The following KCTD16 variants were observed in gnomAD, a reference collection of about 807,000 sequenced individuals.
KCTD16 encodes the protein BTB/POZ domain-containing protein KCTD16.
Under a neutral mutation model 33.2 loss-of-function variants are expected in KCTD16, and 13 were observed. That is an observed-to-expected ratio of 0.39 (90% confidence interval 0.25 to 0.62). KCTD16 has a LOEUF of 0.62. KCTD16 is among the 20% of genes least tolerant of loss of function. The pLI, the probability that KCTD16 is intolerant of heterozygous loss-of-function variation, is 0.50. For synonymous variants in KCTD16, 197 were observed against 195.3 expected, an observed-to-expected ratio of 1.01 and a Z score of -0.07; for missense variants, 441 against 525.1, an observed-to-expected ratio of 0.84 and a Z score of 1.57.
chr5:144,287,675 C>T (rs541457303), intron 3 of KCTD16, among the ~76,000 whole-genome samples: 115 of 152,174 alleles, frequency 7.6e-4, no homozygotes, highest in African/African-American at 2.6e-3. Flanking sequence ...TCACTCTTTT[C>T]GCCCAGGCTG....
intron 3 of KCTD16, among the ~76,000 whole-genome samples, chr5:144,344,096 C>G (rs1047967124): frequency 6.6e-6 from 1 of 152,122 alleles, no homozygotes; most frequent in Non-Finnish European, 1.5e-5. Flanking sequence ...CTGAGAAAAA[C>G]AAGCAATGGG....
At chr5:144,233,223 C>A (rs1345225852) in intron 3 of KCTD16, among the ~76,000 whole-genome samples, 4 of 152,070 alleles carry the variant, frequency 2.6e-5, no homozygotes, top group Non-Finnish European at 4.4e-5. Flanking sequence ...AAAGGGTCTT[C>A]CATCATAAGT....
chr5:144,367,262 G>A (rs1307831623), intron 3 of KCTD16, among the ~76,000 whole-genome samples: 1 of 152,164 alleles, frequency 6.6e-6, no homozygotes, highest in Non-Finnish European at 1.5e-5. Flanking sequence ...AAGGGTGGGT[G>A]TAGAGCTGTG....
Position 144,276,763 on chromosome 5 carries a change from C to A in KCTD16, c.832+69217C>A, listed in dbSNP as rs1001309129. The stretch of plus-strand genomic sequence containing the variant: ...TGCTAAAATACAAAAATTAGCCATG[C>A]ATAGTGGCTTACACCTGTAATCCCA... On this transcript the variant is annotated intron_variant, in intron 3 of 3. Coordinates refer to ENST00000512467, the MANE Select transcript of KCTD16 (RefSeq NM_020768.4). 3.3e-5 allele frequency among the ~76,000 whole-genome samples: 5 copies of A among 151,990 alleles called. No individual in the cohort carries two copies. In the South Asian group the frequency reaches 1.0e-3, roughly 32 times the overall value.
chr5:144,458,917 A>G (rs943183771), intron 3 of KCTD16, among the ~76,000 whole-genome samples: 2 of 152,212 alleles, frequency 1.3e-5, no homozygotes, highest in African/African-American at 2.4e-5. Flanking sequence ...GGAAGGCAGT[A>G]ATTAACCAGA....
intron 3 of KCTD16, among the ~76,000 whole-genome samples, chr5:144,469,183 T>C (rs888248005): frequency 2.0e-5 from 3 of 152,214 alleles, no homozygotes; most frequent in Non-Finnish European, 4.4e-5. Flanking sequence ...TTCAAGTCAA[T>C]CTTTATCCTG....
intron 3 of KCTD16, among the ~76,000 whole-genome samples, chr5:144,380,188 C>A (rs1752180693): frequency 6.6e-6 from 1 of 152,012 alleles, no homozygotes; most frequent in South Asian, 2.1e-4. Flanking sequence ...CATTTCTTTA[C>A]ACCAATAATG....
chr5:144,217,918 C>A (rs1188043860), intron 3 of KCTD16, among the ~76,000 whole-genome samples: 1 of 151,766 alleles, frequency 6.6e-6, no homozygotes, highest in African/African-American at 2.4e-5. Context: ...ACAGAGTGAC[C>A]TTCTTTAATA....
In KCTD16 at chr5:144,476,106, T is replaced by C. The variant is rs1006846688; in HGVS notation, c.*1992T>C. 3 of 152,248 alleles carry C rather than the reference T, an allele frequency of 2.0e-5. No homozygotes were observed. The highest frequency in any genetic ancestry group is 4.4e-5 in the Non-Finnish European group (3 of 68,044). The allele number at this position is 152,248 out of a possible 1,614,324, so 9.4% of individuals were successfully genotyped here. On this transcript the variant is annotated 3_prime_UTR_variant, in exon 4 of 4. Coordinates refer to ENST00000512467, the MANE Select transcript of KCTD16 (RefSeq NM_020768.4). The stretch of plus-strand genomic sequence containing the variant: ...GTATGTCTTGATTCTTTTCAATGTT[T>C]CTTGATAGCACATGGCAATACCATC...
chr5:144,350,539 C>A (rs920022904), intron 3 of KCTD16, among the ~76,000 whole-genome samples: 4 of 152,072 alleles, frequency 2.6e-5, no homozygotes, highest in Non-Finnish European at 5.9e-5. Flanking sequence ...CCCATATTGC[C>A]TCTCTTGGCT....
chr5:144,471,252 G>A (rs1192038104), intron 3 of KCTD16, among the ~76,000 whole-genome samples: 1 of 152,082 alleles, frequency 6.6e-6, no homozygotes, highest in Non-Finnish European at 1.5e-5. Context: ...TTTCCTTCTG[G>A]GTCCATTGAA....
chr5:144,311,254 G>T (rs759107238), intron 3 of KCTD16, among the ~76,000 whole-genome samples: 1 of 152,150 alleles, frequency 6.6e-6, no homozygotes, highest in African/African-American at 2.4e-5. Flanking sequence ...TGCACATTGT[G>T]CACAAGTACT....
intron 3 of KCTD16, among the ~76,000 whole-genome samples, chr5:144,208,172 A>T (rs1753251700): frequency 1.3e-5 from 2 of 152,236 alleles, no homozygotes; most frequent in African/African-American, 4.8e-5. Flanking sequence ...CTGCAGACTT[A>T]ATTAAGCTGA....
At chr5:144,179,468 C>T (rs1164333345) in intron 2 of KCTD16, among the ~76,000 whole-genome samples, 1 of 152,202 alleles carries the variant, frequency 6.6e-6, no homozygotes. Flanking sequence ...TGCGTGCAGG[C>T]TCCTCTCTCC....
chr5:144,439,251 G>A, intron 3 of KCTD16: 1 of 289,572 alleles, frequency 3.5e-6, no homozygotes, highest in Admixed American at 4.5e-5. Flanking sequence ...CAATGATGAG[G>A]GGTTTGAGTA....
chr5:144,324,486 A>C (rs1294082639), intron 3 of KCTD16, among the ~76,000 whole-genome samples: 4 of 152,178 alleles, frequency 2.6e-5, no homozygotes, highest in African/African-American at 7.2e-5. Flanking sequence ...TTGGAAAGTA[A>C]ATTAGTTCAA....
At chr5:144,347,832 G>T (rs1201722829) in intron 3 of KCTD16, among the ~76,000 whole-genome samples, 4 of 152,134 alleles carry the variant, frequency 2.6e-5, no homozygotes, top group Non-Finnish European at 5.9e-5. Flanking sequence ...CTGCCTGGGA[G>T]CATGCGTTAG....
Position 144,450,754 on chromosome 5 carries a change from A to G in KCTD16, c.833-22906A>G, listed in dbSNP as rs74664398. 6.6e-5 allele frequency among the ~76,000 whole-genome samples: 10 copies of G among 152,268 alleles called. No individual in the cohort carries two copies. The East Asian group carries it at 1.9e-3, about 29-fold the overall frequency. On this transcript the variant is annotated intron_variant, in intron 3 of 3. Coordinates refer to ENST00000512467, the MANE Select transcript of KCTD16 (RefSeq NM_020768.4). ...TGAGGTATCTAAAGTAGTCAAATTC[A>G]TAGAAGCAGAGAATACAATGGTAGT...
At chr5:144,424,135 T>C (rs539520121) in intron 3 of KCTD16, among the ~76,000 whole-genome samples, 1 of 152,302 alleles carries the variant, frequency 6.6e-6, no homozygotes, top group Non-Finnish European at 1.5e-5. Context: ...CTCTACCACA[T>C]CAAGCTTCTC....
Sources: gnomAD v4.1 joint callset for allele counts (sites outside exome capture counted in the v4.1 genomes callset) on GRCh38, gnomAD v4.1.1 for gene constraint, MANE v1.5 for transcripts, NCBI Gene and HGNC (gene_info 2026-07-23, HGNC 2026-07-21) for gene names.